Variants in MAN2A2 observed in about 807,000 individuals in gnomAD.
MAN2A2 encodes the protein mannosidase alpha class 2A member 2.
MAN2A2 carries 79 observed loss-of-function variants against 126.8 expected under a neutral mutation model. The ratio of observed to expected loss-of-function variants is 0.62; its 90% CI spans 0.52 to 0.75. MAN2A2 has a LOEUF of 0.75. MAN2A2 is among the 30% of genes least tolerant of loss of function. MAN2A2 has a pLI of 0.00. For synonymous variants in MAN2A2, 671 were observed against 618.7 expected, an observed-to-expected ratio of 1.08 and a Z score of -1.25; for missense variants, 1,392 against 1,522.4, an observed-to-expected ratio of 0.91 and a Z score of 1.43.
intron 1 of MAN2A2, 174 bp downstream of exon 1, chr15:90,903,606 T>C (rs1649309944): frequency 5.8e-6 from 1 of 173,668 alleles, no homozygotes. Flanking sequence ...CCCACTGCAG[T>C]GAACAGTAGA....
chr15:90,912,360 C>G, intron 15 of MAN2A2, 81 bp downstream of exon 15: 1 of 1,571,194 alleles, frequency 6.4e-7, no homozygotes, highest in Non-Finnish European at 8.7e-7. Context: ...AGCGGCCTCC[C>G]GGCCCTGTGA....
Position 90,911,243 on chromosome 15 carries a change from C to T in MAN2A2, c.1943+5C>T. ...CCAGCTGGATTCCTCGCCCAGGTAA[C>T]CTGGACTACGCCATGTGCAGAGAGG... On this transcript the variant is annotated splice_donor_5th_base_variant and intron_variant, in intron 13 of 22. Transcript: ENST00000559717. 1 of 1,614,068 alleles carries T rather than the reference C, an allele frequency of 6.2e-7. No homozygotes were observed. Among genetic ancestry groups the T allele is most frequent in the Non-Finnish European group, 8.5e-7 (1 of 1,179,990 alleles).
Position 90,905,505 on chromosome 15 carries a change from G to T in MAN2A2, c.387G>T (p.Leu129=), listed in dbSNP as rs1351854440. The change falls in exon 3 of 23, where the codon CTG becomes CTT. Residue 129 remains leucine, a synonymous_variant. Transcript: ENST00000559717. The stretch of plus-strand genomic sequence containing the variant: ...GGGGCCGGGGTCAGAAGCCAGAGCT[G>T]CAGGTAAGAGTCAGAGCTGGCAGGG... ...ALGGRGQKPE[L]QMLTVSEELP... 45 of 1,614,010 alleles carry T rather than the reference G, an allele frequency of 2.8e-5. No homozygotes were observed. Among genetic ancestry groups the T allele is most frequent in the Non-Finnish European group, 3.6e-5 (43 of 1,180,038 alleles).
chr15:90,918,070 G>C, intron 20 of MAN2A2, 124 bp from the exon 21 acceptor site: 1 of 887,810 alleles, frequency 1.1e-6, no homozygotes, highest in South Asian at 1.6e-5. Context: ...GCGTGCCCTT[G>C]AGTCCAGGCA....
intron 7 of MAN2A2, 174 bp downstream of exon 7, chr15:90,907,087 C>T: frequency 3.3e-6 from 3 of 902,662 alleles, no homozygotes; most frequent in Non-Finnish European, 5.0e-6. Flanking sequence ...GACCTCTGGC[C>T]TCTACAGGGC....
rs774193389 is a variant in MAN2A2, at chr15:90,905,482, G to C, written c.364G>C (p.Gly122Arg). 5.6e-6 allele frequency: 9 copies of C among 1,614,024 alleles called. No individual in the cohort carries two copies. Among genetic ancestry groups the C allele is most frequent in the Non-Finnish European group, 6.8e-6 (8 of 1,180,036 alleles). ...GCAGGACTGCCAGTTTGCTTTGGGG[G>C]GCCGGGGTCAGAAGCCAGAGCTGCA... ...SPQDCQFALG[G>R]RGQKPELQML... Residue 122 changes from glycine (G) to arginine (R), a missense_variant, in exon 3 of 23, where the codon GGC becomes CGC. Physicochemically the swap from Gly to Arg is moderately radical, Grantham distance 125. Transcript: ENST00000559717.
At chr15:90,916,930 T>C (rs939451039) in intron 20 of MAN2A2, among the ~76,000 whole-genome samples, 2 of 152,140 alleles carry the variant, frequency 1.3e-5, no homozygotes, top group Non-Finnish European at 2.9e-5. Context: ...AAGGTAATAA[T>C]GTGGGCTAAG....
At chr15:90,902,463 C>G (rs914645792), upstream of MAN2A2, 1 of 152,258 alleles carries the variant, frequency 6.6e-6, no homozygotes, top group Non-Finnish European at 1.5e-5. Flanking sequence ...GAACGCACCC[C>G]GCTACGCGTC....
Position 90,919,801 on chromosome 15 carries a change from C to T in MAN2A2, c.*14C>T. Reference sequence around the variant, plus strand: ...CGCTTGGGTTAGGGCTTCTTGTGGCCTGAAGAGAAAGTTCATTCACAGAGA... The same window carrying T: ...CGCTTGGGTTAGGGCTTCTTGTGGCTTGAAGAGAAAGTTCATTCACAGAGA... On this transcript the variant is annotated 3_prime_UTR_variant, in exon 23 of 23. Transcript: ENST00000559717. The T allele has an allele frequency of 1.9e-6, 3 of 1,613,584 alleles. No homozygotes were observed. The South Asian group carries it at 3.3e-5, about 18-fold the overall frequency.
chr15:90,905,658 A>G lies in MAN2A2; in HGVS notation c.470A>G (p.Asp157Gly). The G allele has an allele frequency of 5.0e-6, 8 of 1,613,914 alleles. No individual in the cohort carries two copies. Among genetic ancestry groups the G allele is most frequent in the Non-Finnish European group, 6.8e-6 (8 of 1,179,974 alleles). The change falls in exon 4 of 23, where the codon GAC (aspartate) becomes GGC (glycine). Residue 157 changes from aspartate to glycine, a missense_variant. Asp to Gly is a moderately conservative substitution (Grantham distance 94). Coordinates refer to ENST00000559717, the MANE Select transcript of MAN2A2 (RefSeq NM_006122.4). ...VWRQGFDISY[D>G]PHDWDAEDLQ... is the part of the protein sequence containing the mutation. ...AGGCAAGGCTTCGACATCTCCTACG[A>G]CCCGCACGACTGGGATGCTGAAGAC... is the stretch of plus-strand genomic sequence containing the variant.
chr15:90,907,555 G>A (rs2034398399), intron 8 of MAN2A2, 60 bp downstream of exon 8: 2 of 1,528,574 alleles, frequency 1.3e-6, no homozygotes, highest in East Asian at 4.5e-5. Context: ...TCTGGTCTGG[G>A]CCGTGCCACG....
At position 90,912,295 on chromosome 15, in the gene MAN2A2, G is replaced by A. The variant is rs1312863108; in HGVS notation, c.2346+16G>A. 6.2e-7 allele frequency: 1 copy of A among 1,612,920 alleles called. No individual in the cohort carries two copies. Among genetic ancestry groups the A allele is most frequent in the South Asian group, 1.1e-5 (1 of 91,056 alleles). On this transcript the variant is annotated intron_variant, in intron 15 of 22. Transcript: ENST00000559717. The stretch of plus-strand genomic sequence containing the variant: ...GCTCCTCAAGGTAAAAGGCCAGGGT[G>A]GTGGGGAAGGGCCAGGGGCCAGAGT...
rs1255593262 is a variant in MAN2A2, at chr15:90,910,765, G to A, written c.1760+82G>A. 82 of 1,598,716 alleles carry A rather than the reference G, an allele frequency of 5.1e-5. 1 individual carries two copies. The highest frequency in any genetic ancestry group is 5.0e-4 in the Middle Eastern group (3 of 6,026). ...ACATTGGGTGGTCAGGGGGTAGGCC[G>A]GCCTAGGGCTTGTCCTGCTGACAAG... On this transcript the variant is annotated intron_variant, in intron 11 of 22. Transcript: ENST00000559717.
In MAN2A2 at chr15:90,905,619, A is replaced by T. The variant is rs1182447705; in HGVS notation, c.431A>T (p.Asp144Val). ...GAGGAGCTGCCGTTTGACAACGTGG[A>T]TGGTGGTGTGTGGAGGCAAGGCTTC... ...VSEELPFDNV[D>V]GGVWRQGFDI... Residue 144 changes from aspartate (D) to valine (V), a missense_variant, in exon 4 of 23, where the codon GAT (aspartate) becomes GTT (valine). By Grantham distance (152) the Asp-to-Val change is radical. Transcript: ENST00000559717. The T allele has an allele frequency of 6.2e-7, 1 of 1,613,998 alleles. No homozygotes were observed. Among genetic ancestry groups the T allele is most frequent in the Admixed American group, 1.7e-5 (1 of 59,992 alleles).
Position 90,913,307 on chromosome 15 carries a change from G to A in MAN2A2, c.2619G>A (p.Leu873=), listed in dbSNP as rs1486313074. Residue 873 remains leucine (L), a synonymous_variant, in exon 18 of 23, where the codon CTG becomes CTA. Transcript: ENST00000559717. ...GGCTGTCTCTGGACATATCATCCCTGGTGGACATCCGGGACTACGTCAACA... is the reference window on the plus strand; with the variant it reads ...GGCTGTCTCTGGACATATCATCCCTAGTGGACATCCGGGACTACGTCAACA... The part of the protein sequence containing the change: ...VEGLSLDISS[L]VDIRDYVNKE... 3 of 1,613,976 alleles carry A rather than the reference G, an allele frequency of 1.9e-6. No individual in the cohort carries two copies. In the African/African-American group the frequency reaches 4.0e-5, roughly 22 times the overall value.
intron 19 of MAN2A2, chr15:90,915,878 C>G: frequency 8.4e-6 from 4 of 475,878 alleles, no homozygotes; most frequent in Non-Finnish European, 1.5e-5. Flanking sequence ...GGGGGGTAAA[C>G]TGCCAGGGCC....
chr15:90,914,712 G>T (rs2035033831), intron 19 of MAN2A2, among the ~76,000 whole-genome samples: 1 of 152,176 alleles, frequency 6.6e-6, no homozygotes, highest in Non-Finnish European at 1.5e-5. Context: ...TAGAGATGGG[G>T]TTTCACCATG....
rs541606535 is a variant in MAN2A2, at chr15:90,918,939, G to A, written c.3300+184G>A. On this transcript the variant is annotated intron_variant, in intron 22 of 22. Transcript: ENST00000559717. ...CCTGGCAGGGGGAGTTCCAGACAAG[G>A]TAGATCGCTTGAGAACTTTTGTTCC... Among the ~76,000 whole-genome samples the A allele has an allele frequency of 2.0e-4, 30 of 152,322 alleles. No homozygotes were observed. In the South Asian group the frequency reaches 6.2e-3, roughly 32 times the overall value.
In MAN2A2 at chr15:90,919,733, T is replaced by C; in HGVS notation, c.3399T>C (p.Thr1133=). 6.8e-6 allele frequency: 11 copies of C among 1,614,230 alleles called. No individual in the cohort carries two copies. The highest frequency in any genetic ancestry group is 9.3e-6 in the Non-Finnish European group (11 of 1,180,038). Residue 1133 remains threonine, a synonymous_variant, in exon 23 of 23, where the codon ACT becomes ACC. Transcript: ENST00000559717. ...LYPLASPSNS[T]DVYLEPMEIA... is the part of the protein sequence containing the mutation. ...CTCTGGCCTCCCCGTCCAACAGCAC[T>C]GACGTCTATTTGGAGCCCATGGAGA...
Sources: allele counts gnomAD v4.1 joint callset (sites outside exome capture counted in the v4.1 genomes callset), GRCh38; gene constraint gnomAD v4.1.1; transcripts MANE v1.5; gene names NCBI Gene and HGNC (gene_info 2026-07-23, HGNC 2026-07-21).